Variants in FAM53A observed in about 807,000 individuals in gnomAD.
FAM53A encodes protein FAM53A.
Under a neutral mutation model 26.6 loss-of-function variants are expected in FAM53A, and 28 were observed. The observed-to-expected ratio is 1.05, with a 90% CI of 0.78 to 1.45. The LOEUF (loss-of-function observed/expected upper bound fraction) is 1.45, where lower values mean the gene tolerates loss of function less well. Ranked by LOEUF, FAM53A falls within the 40% of genes most tolerant of loss-of-function variation. The probability of loss-of-function intolerance (pLI) is 0.00; values close to 1 mark genes in which losing one functional copy is unlikely to be tolerated. For synonymous variants in FAM53A, 290 were observed against 253.1 expected, an observed-to-expected ratio of 1.15 and a Z score of -1.38; for missense variants, 650 against 575.8, an observed-to-expected ratio of 1.13 and a Z score of -1.32.
At chr4:1,599,635 T>C in the FAM53A span, among the ~76,000 whole-genome samples, 1 of 152,132 alleles carries the variant, frequency 6.6e-6, no homozygotes, top group East Asian at 1.9e-4. This position sits in a 1 kb window ranked among gnomAD's most constrained non-coding sequence, Gnocchi z 6.1. Context: ...TGCAAGAGCC[T>C]AGGCGGGCCT....
chr4:1,616,315 C>T (rs561318568), downstream of FAM53A, among the ~76,000 whole-genome samples: 9 of 152,340 alleles, frequency 5.9e-5, 1 homozygote, highest in East Asian at 9.6e-4. Context: ...CACGCAGGTC[C>T]CCACGGCCAA....
Position 1,652,889 on chromosome 4 carries a change from C to A in FAM53A, c.882+2089G>T, listed in dbSNP as rs575286869. 2.6e-4 allele frequency among the ~76,000 whole-genome samples: 38 copies of A among 147,272 alleles called. 1 individual carries two copies. The South Asian group carries it at 8.4e-3, about 32-fold the overall frequency. On this transcript the variant is annotated intron_variant, in intron 4 of 4. Coordinates refer to ENST00000308132, the MANE Select transcript of FAM53A (RefSeq NM_001174070.3). The stretch of plus-strand genomic sequence containing the variant: ...ACCACACACCAAACACCACACATAC[C>A]ACAGACACCACACACTACACACCAG...
Position 1,641,211 on chromosome 4 carries a change from C to G in FAM53A, c.*82G>C. The G allele has an allele frequency of 7.3e-7, 1 of 1,371,978 alleles. No homozygotes were observed. Among genetic ancestry groups the G allele is most frequent in the Admixed American group, 2.1e-5 (1 of 47,834 alleles). 85.0% of individuals were successfully genotyped at this position (1,371,978 alleles called of 1,614,324 possible). On this transcript the variant is annotated 3_prime_UTR_variant, in exon 5 of 5. Coordinates refer to ENST00000308132, the MANE Select transcript of FAM53A (RefSeq NM_001174070.3). ...CCAGGGCAGGTGCCGGGCCGTGGCC[C>G]CGACCAGCTCACAGGAAACCTACTC...
intron 2 of FAM53A, among the ~76,000 whole-genome samples, 190 bp downstream of exon 2, chr4:1,668,477 T>G (rs549745600): frequency 6.6e-6 from 1 of 151,868 alleles, no homozygotes; most frequent in East Asian, 1.9e-4. Context: ...TCAATGATGG[T>G]GAAAATCCGC....
downstream of FAM53A, among the ~76,000 whole-genome samples, chr4:1,614,976 G>A (rs1453797246): frequency 6.6e-6 from 1 of 152,176 alleles, no homozygotes; most frequent in African/African-American, 2.4e-5. Context: ...GGACACGAGA[G>A]CAAAAACATG....
the FAM53A span, among the ~76,000 whole-genome samples, chr4:1,582,658 C>G: frequency 1.3e-5 from 2 of 152,166 alleles, no homozygotes; most frequent in East Asian, 3.9e-4. Context: ...GAGTTCAAGA[C>G]CAGCCTGGGC....
At chr4:1,575,441 C>T in the FAM53A span, among the ~76,000 whole-genome samples, 3 of 152,222 alleles carry the variant, frequency 2.0e-5, no homozygotes, top group East Asian at 3.9e-4. Flanking sequence ...GAGATGGCTG[C>T]GGTCTGGCAG....
the FAM53A span, among the ~76,000 whole-genome samples, chr4:1,592,345 G>C: frequency 6.6e-6 from 1 of 152,232 alleles, no homozygotes; most frequent in Non-Finnish European, 1.5e-5. Flanking sequence ...AGGGCTCCGG[G>C]AGGCAGCGTC....
downstream of FAM53A, among the ~76,000 whole-genome samples, chr4:1,638,991 G>C (rs1715975608): frequency 6.6e-6 from 1 of 152,218 alleles, no homozygotes; most frequent in Non-Finnish European, 1.5e-5. Context: ...CCTGCCCCTG[G>C]GGCATCCAGG....
chr4:1,645,930 G>A (rs1458841161), intron 4 of FAM53A, among the ~76,000 whole-genome samples: 1 of 152,164 alleles, frequency 6.6e-6, no homozygotes, highest in Non-Finnish European at 1.5e-5. Context: ...GCCTGCACAA[G>A]ACACGAGAGC....
intron 1 of FAM53A, among the ~76,000 whole-genome samples, chr4:1,623,981 C>A (rs765396473): frequency 1.3e-5 from 2 of 151,568 alleles, no homozygotes; most frequent in Non-Finnish European, 2.9e-5. Context: ...TACCTGAGGG[C>A]CCAGGGGCCA....
chr4:1,665,062 C>T (rs1488577034), intron 2 of FAM53A, among the ~76,000 whole-genome samples: 1 of 151,974 alleles, frequency 6.6e-6, no homozygotes, highest in Non-Finnish European at 1.5e-5. Context: ...TGCCTGTAAT[C>T]CCAGCACTTT....
chr4:1,621,189 G>A (rs1206969222), intron 1 of FAM53A, among the ~76,000 whole-genome samples: 6 of 134,272 alleles, frequency 4.5e-5, no homozygotes, highest in Non-Finnish European at 7.6e-5. Flanking sequence ...TACAGGCTCC[G>A]CCCCCCAGGG....
rs573167471 is a variant in FAM53A, at chr4:1,617,992, C to T, written c.*81G>A. The T allele has an allele frequency of 1.3e-4, 60 of 455,690 alleles. 2 individuals carry two copies. The highest frequency in any genetic ancestry group is 8.8e-4 in the South Asian group (57 of 64,464). 28.2% of individuals were successfully genotyped at this position (455,690 alleles called of 1,614,324 possible). On this transcript the variant is annotated 3_prime_UTR_variant, in exon 2 of 2. Transcript: ENST00000489029. ...ACCACAACAGAACTGACGTGTGTCACGAATGCTTGGCATAGAGCCGACCAG... is the reference window on the plus strand; with the variant it reads ...ACCACAACAGAACTGACGTGTGTCATGAATGCTTGGCATAGAGCCGACCAG...
Position 1,657,432 on chromosome 4 carries a change from G to T in FAM53A, c.112C>A (p.Arg38Ser). 6.2e-7 allele frequency: 1 copy of T among 1,613,800 alleles called. No individual in the cohort carries two copies. The highest frequency in any genetic ancestry group is 8.5e-7 in the Non-Finnish European group (1 of 1,179,854). The part of the protein sequence containing the change: ...YSAETLNKSG[R>S]LFPLELNDQS... ...CCGTTGAGCTCCAAAGGGAACAGACGACCGCTCTTGTTCAGGGTTTCCGCA... is the reference window on the plus strand; with the variant it reads ...CCGTTGAGCTCCAAAGGGAACAGACTACCGCTCTTGTTCAGGGTTTCCGCA... Residue 38 changes from arginine (R) to serine (S), a missense_variant, in exon 3 of 5, where the codon CGT (arginine) becomes AGT (serine). Physicochemically the swap from Arg to Ser is moderately radical, Grantham distance 110 (BLOSUM62 -1). Transcript: ENST00000308132.
At chr4:1,682,934 G>A (rs1328554875) in intron 1 of FAM53A, among the ~76,000 whole-genome samples, 5 of 152,220 alleles carry the variant, frequency 3.3e-5, no homozygotes, top group Non-Finnish European at 5.9e-5. Context: ...CAGTGAGTGT[G>A]ACCCTCAAAG....
chr4:1,588,178 C>T, the FAM53A span, among the ~76,000 whole-genome samples: 2 of 152,228 alleles, frequency 1.3e-5, no homozygotes, highest in African/African-American at 2.4e-5. Flanking sequence ...GGGTCTGGTG[C>T]GTCCTTCCTC....
chr4:1,650,887 G>A (rs1438307960), intron 4 of FAM53A, among the ~76,000 whole-genome samples: 19 of 151,812 alleles, frequency 1.3e-4, no homozygotes, highest in South Asian at 8.4e-4. Context: ...CAGTGCTCAC[G>A]CATCTTCATT....
chr4:1,669,930 C>T (rs562777736), intron 1 of FAM53A, among the ~76,000 whole-genome samples: 4 of 152,334 alleles, frequency 2.6e-5, no homozygotes, highest in African/African-American at 9.6e-5. Flanking sequence ...AGTTTCCGGC[C>T]AGTCTTCTGG....
Sources: allele counts gnomAD v4.1 joint callset (sites outside exome capture counted in the v4.1 genomes callset), GRCh38; gene constraint gnomAD v4.1.1; non-coding constraint Gnocchi (gnomAD v3.1); transcripts MANE v1.5; gene names NCBI Gene and HGNC (gene_info 2026-07-23, HGNC 2026-07-21).